The following C7 variants were observed in gnomAD, a reference collection of about 807,000 sequenced individuals.
The protein encoded by C7 is complement C7.
A neutral mutation model predicts 104.8 loss-of-function variants in C7; 83 were observed. That is an observed-to-expected ratio of 0.79 (90% CI 0.66 to 0.95). The LOEUF (loss-of-function observed/expected upper bound fraction) is 0.95. Among genes scored for constraint, C7 ranks in the 40% least tolerant of loss-of-function variants. The pLI is 0.00. For synonymous variants in C7, 415 were observed against 360.6 expected (o/e 1.15, Z -1.71); for missense variants, 1,070 against 1,011.2 (o/e 1.06, Z -0.79).
chr5:40,948,823 C>A (rs1175254080), intron 8 of C7, among the ~76,000 whole-genome samples: 2 of 152,138 alleles, frequency 1.3e-5, no homozygotes, highest in African/African-American at 2.4e-5. Context: ...TCTGTTACAA[C>A]CTTGGAGAAG....
chr5:40,956,683 C>G (rs923764380), intron 10 of C7, among the ~76,000 whole-genome samples: 6 of 152,252 alleles, frequency 3.9e-5, no homozygotes, highest in African/African-American at 1.4e-4. Context: ...CCAGGCAAAG[C>G]CTGATTTTCA....
At chr5:40,922,374 CAAAAAAAAAA>C (rs869109946) in intron 1 of C7, among the ~76,000 whole-genome samples, 1 of 43,074 alleles carries the variant, frequency 2.3e-5, no homozygotes, top group African/African-American at 6.6e-5. Context: ...GACTCTGTCT[CAAAAAAAAAA>C]AAAAAAAAAA....
intron 1 of C7, among the ~76,000 whole-genome samples, chr5:40,919,551 C>T (rs1692539471): frequency 6.6e-6 from 1 of 151,962 alleles, no homozygotes. Context: ...TGCTTAAGTC[C>T]AGGAGTTCAA....
In C7 at chr5:40,917,811, TA is replaced by T. The variant is rs562473714; in HGVS notation, c.6+8197del. ...TCACAAATCTTGACTTGTACAAATGTAATAGTTTTCAAATCATTTAAGAAAT... is the reference window on the plus strand; with the variant it reads ...TCACAAATCTTGACTTGTACAAATGTATAGTTTTCAAATCATTTAAGAAAT... On this transcript the variant is annotated intron_variant, in intron 1 of 17. Transcript: ENST00000313164. Among the ~76,000 whole-genome samples, 640 of 152,310 alleles carry T rather than the reference TA, an allele frequency of 4.2e-3. 7 individuals carry two copies. The highest frequency in any genetic ancestry group is 0.015 in the African/African-American group (624 of 41,568).
intron 11 of C7, 147 bp from the exon 12 acceptor site, chr5:40,959,302 A>T: frequency 1.4e-6 from 1 of 691,116 alleles, no homozygotes; most frequent in South Asian, 2.3e-5. Context: ...GCCATTCTGA[A>T]CATTGTAGAA....
intron 6 of C7, among the ~76,000 whole-genome samples, chr5:40,943,200 A>G (rs1354431820): frequency 6.6e-6 from 1 of 152,264 alleles, no homozygotes; most frequent in African/African-American, 2.4e-5. Context: ...GAAGGAAGTG[A>G]AAAAACTGAA....
rs528159556 is a variant in C7 at position 40,936,080 on chromosome 5, TG to T, written c.281-255del. On this transcript the variant is annotated intron_variant, in intron 4 of 17. Transcript: ENST00000313164. ...ATTTAGACAAGCTGCTTGATGATTA[TG>T]GGTGAGATCCTGAAATTCTGAATTC... 2.8e-3 allele frequency among the ~76,000 whole-genome samples: 423 copies of T among 152,286 alleles called. 3 individuals are homozygous for T. The highest frequency in any genetic ancestry group is 9.7e-3 in the African/African-American group (405 of 41,582).
chr5:40,932,097 T>C (rs1005380548), intron 3 of C7, among the ~76,000 whole-genome samples: 9 of 152,072 alleles, frequency 5.9e-5, no homozygotes, highest in Non-Finnish European at 1.3e-4. Flanking sequence ...ATAACAGCAT[T>C]TGGTATTTAT....
chr5:40,946,147 A>T (rs1041587923), intron 7 of C7, among the ~76,000 whole-genome samples: 11 of 152,060 alleles, frequency 7.2e-5, no homozygotes, highest in Middle Eastern at 3.4e-3. Flanking sequence ...GCATGAAGAT[A>T]AAATACTTTA....
At chr5:40,936,268 T>A in intron 4 of C7, 70 bp from the exon 5 acceptor site, 1 of 1,471,706 alleles carries the variant, frequency 6.8e-7, no homozygotes, top group Non-Finnish European at 9.5e-7. Flanking sequence ...AGGAAAACCC[T>A]TTTTGGTCCT....
At chr5:40,965,594 T>C (rs1401268479) in intron 14 of C7, among the ~76,000 whole-genome samples, 2 of 151,520 alleles carry the variant, frequency 1.3e-5, no homozygotes, top group African/African-American at 2.4e-5. Flanking sequence ...TACTAACACT[T>C]GATAGCATCA....
chr5:40,938,839 G>A (rs930904280), intron 6 of C7, among the ~76,000 whole-genome samples: 6 of 152,102 alleles, frequency 3.9e-5, no homozygotes, highest in African/African-American at 1.4e-4. Context: ...GAAACTTTAC[G>A]GAAGATTTAG....
Position 40,962,160 on chromosome 5 carries a change from T to C in C7, c.1737T>C (p.Asp579=). Residue 579 remains aspartate, a synonymous_variant, in exon 13 of 18, where the codon GAT becomes GAC. Transcript: ENST00000313164. ...EFCPSPPALK[D]GFVQDEGTMF... ...GTCCATCACCTCCTGCCTTGAAAGATGGATTTGTTCAAGTTGGTTATGAAA... is the reference window on the plus strand; with the variant it reads ...GTCCATCACCTCCTGCCTTGAAAGACGGATTTGTTCAAGTTGGTTATGAAA... 3 of 1,558,806 alleles carry C rather than the reference T, an allele frequency of 1.9e-6. No homozygotes were observed. Among genetic ancestry groups the C allele is most frequent in the Non-Finnish European group, 2.6e-6 (3 of 1,145,810 alleles).
chr5:40,924,755 C>T (rs2597743), intron 1 of C7, among the ~76,000 whole-genome samples: 73,229 of 151,712 alleles, frequency 0.48, 18,875 homozygotes, highest in African/African-American at 0.69. Context: ...CAGTTTGCAC[C>T]TGCTGAAGCA....
At chr5:40,921,309 A>G (rs897980842) in intron 1 of C7, among the ~76,000 whole-genome samples, 6 of 152,308 alleles carry the variant, frequency 3.9e-5, no homozygotes, top group Admixed American at 3.9e-4. Flanking sequence ...GTAATTTAAG[A>G]GAACACAAAA....
chr5:40,958,563 T>G (rs1463294585), intron 11 of C7, among the ~76,000 whole-genome samples: 1 of 152,240 alleles, frequency 6.6e-6, no homozygotes, highest in African/African-American at 2.4e-5. Flanking sequence ...GGTTTTGCTG[T>G]AGCAAAGGTC....
chr5:40,975,425 G>A (rs187833397), intron 15 of C7, among the ~76,000 whole-genome samples: 18 of 149,008 alleles, frequency 1.2e-4, no homozygotes, highest in East Asian at 2.0e-4. Flanking sequence ...GTGCAACGGC[G>A]CAATCTTGGT....
At chr5:40,946,280 T>C (rs1427579291) in intron 7 of C7, among the ~76,000 whole-genome samples, 1 of 152,208 alleles carries the variant, frequency 6.6e-6, no homozygotes, top group East Asian at 1.9e-4. Context: ...ACAGTAGAGA[T>C]GGATTGTACT....
chr5:40,964,451 CA>C (rs1169012661), intron 13 of C7: 6,164 of 212,480 alleles, frequency 0.029, 322 homozygotes, highest in Middle Eastern at 0.061. Flanking sequence ...GGACAGTGTC[CA>C]AATAATTTTA....
Sources: allele counts gnomAD v4.1 joint callset (sites outside exome capture counted in the v4.1 genomes callset), GRCh38; gene constraint gnomAD v4.1.1; transcripts MANE v1.5; gene names NCBI Gene and HGNC (gene_info 2026-07-23, HGNC 2026-07-21).